Variants in CDH18 observed in about 807,000 individuals in gnomAD.
CDH18 encodes the protein cadherin-18.
In CDH18, 31 loss-of-function variants were observed where a neutral mutation model predicts 67.9. The ratio of observed to expected loss-of-function variants is 0.46; its 90% confidence interval spans 0.34 to 0.62. The LOEUF is 0.62. Ranked by LOEUF, CDH18 falls within the 20% of genes least tolerant of loss-of-function variation. CDH18 has a pLI of 0.01. For synonymous variants in CDH18, 362 were observed against 347.2 expected (o/e 1.04, Z -0.48); for missense variants, 890 against 975.5 (o/e 0.91, Z 1.17).
intron 2 of CDH18, among the ~76,000 whole-genome samples, chr5:20,034,829 G>T (rs765016932): frequency 3.3e-5 from 5 of 151,960 alleles, no homozygotes; most frequent in African/African-American, 4.8e-5. Flanking sequence ...TAGAGATAAA[G>T]ATTAGATATA....
At chr5:19,496,082 G>T (rs980478865) in intron 11 of CDH18, among the ~76,000 whole-genome samples, 11 of 152,152 alleles carry the variant, frequency 7.2e-5, no homozygotes, top group Admixed American at 2.0e-4. Context: ...AAGCTGAAAA[G>T]CCCTGGAAGA....
chr5:19,785,388 C>G (rs528241674), intron 3 of CDH18, among the ~76,000 whole-genome samples: 2 of 151,564 alleles, frequency 1.3e-5, no homozygotes, highest in South Asian at 4.2e-4. Context: ...CGCGGTGGCT[C>G]ATACCTGCAA....
At chr5:20,442,434 T>A (rs1472817997) in intron 1 of CDH18, among the ~76,000 whole-genome samples, 1 of 151,964 alleles carries the variant, frequency 6.6e-6, no homozygotes, top group African/African-American at 2.4e-5. Flanking sequence ...GGATGGAAGA[T>A]GCTGGACATC....
chr5:20,166,051 A>C (rs1479027737), intron 2 of CDH18, among the ~76,000 whole-genome samples: 1 of 152,170 alleles, frequency 6.6e-6, no homozygotes, highest in Non-Finnish European at 1.5e-5. Flanking sequence ...TTAGGCAATT[A>C]AAATAATGCC....
chr5:19,920,470 T>C (rs1217608455), intron 2 of CDH18, among the ~76,000 whole-genome samples: 2 of 151,964 alleles, frequency 1.3e-5, no homozygotes, highest in East Asian at 3.9e-4. Flanking sequence ...CAAAAGGATG[T>C]TTATTAAATG....
intron 4 of CDH18, among the ~76,000 whole-genome samples, chr5:19,723,698 TTTTTTA>T (rs1391706596): frequency 6.6e-6 from 1 of 152,102 alleles, no homozygotes; most frequent in Non-Finnish European, 1.5e-5. Context: ...GGGCATTTTA[TTTTTTA>T]TTTTTATTTT....
chr5:20,221,279 C>T (rs1359469985), intron 2 of CDH18, among the ~76,000 whole-genome samples: 3 of 151,856 alleles, frequency 2.0e-5, no homozygotes, highest in Admixed American at 6.6e-5. Flanking sequence ...ATTATTCAGC[C>T]GTAAAAATGA....
At chr5:20,273,636 A>G (rs1745596267) in intron 1 of CDH18, among the ~76,000 whole-genome samples, 1 of 152,052 alleles carries the variant, frequency 6.6e-6, no homozygotes, top group Non-Finnish European at 1.5e-5. Flanking sequence ...CAAAAAATTC[A>G]AACTAAAAAA....
At chr5:20,152,823 T>C in intron 2 of CDH18, among the ~76,000 whole-genome samples, 1 of 152,116 alleles carries the variant, frequency 6.6e-6, no homozygotes, top group East Asian at 1.9e-4. Context: ...CAAAGGCTAA[T>C]AAATTTTACT....
At chr5:19,848,886 T>C (rs1229890407) in intron 2 of CDH18, among the ~76,000 whole-genome samples, 3 of 149,786 alleles carry the variant, frequency 2.0e-5, no homozygotes, top group Admixed American at 6.7e-5. Flanking sequence ...TATATACATA[T>C]ATGTATATAA....
chr5:19,648,947 T>C (rs1473977931), intron 5 of CDH18, among the ~76,000 whole-genome samples: 1 of 152,108 alleles, frequency 6.6e-6, no homozygotes, highest in East Asian at 1.9e-4. Flanking sequence ...GCTCCATATT[T>C]CCCTTCCTCT....
chr5:19,684,958 A>G (rs1402773153), intron 5 of CDH18, among the ~76,000 whole-genome samples: 3 of 152,000 alleles, frequency 2.0e-5, no homozygotes, highest in Admixed American at 2.0e-4. Context: ...TTTTTTATTC[A>G]TGTTCAAAAG....
chr5:19,608,311 T>C, intron 6 of CDH18, among the ~76,000 whole-genome samples: 1 of 151,626 alleles, frequency 6.6e-6, no homozygotes, highest in Non-Finnish European at 1.5e-5. Context: ...ATGACCCAGA[T>C]ATCATTTTCA....
intron 2 of CDH18, among the ~76,000 whole-genome samples, chr5:20,039,063 G>A (rs1740162606): frequency 6.9e-6 from 1 of 145,250 alleles, no homozygotes; most frequent in East Asian, 2.0e-4. Flanking sequence ...GACAAACAGA[G>A]AGCCAAATAG....
chr5:19,840,575 G>A (rs1406242965), intron 2 of CDH18, among the ~76,000 whole-genome samples: 15 of 151,908 alleles, frequency 9.9e-5, no homozygotes. Context: ...GGTGGTGCAC[G>A]CCTGTAATCC....
intron 2 of CDH18, among the ~76,000 whole-genome samples, chr5:19,880,347 T>C (rs914143589): frequency 1.3e-5 from 2 of 152,072 alleles, no homozygotes; most frequent in Non-Finnish European, 2.9e-5. Context: ...ACCATTTACA[T>C]ATACAGAGGT....
chr5:19,774,020 A>C lies in CDH18; in HGVS notation c.229-26784T>G, dbSNP rs1014526846. Among the ~76,000 whole-genome samples the C allele has an allele frequency of 2.0e-5, 3 of 152,342 alleles. No homozygotes were observed. In the East Asian group the frequency reaches 5.8e-4, roughly 29 times the overall value. Reference sequence around the variant, plus strand: ...TTCTGAGGGACTCTACTATTTCTCTATATAGCTAGATCCAGGGTATTAATC... The same window carrying C: ...TTCTGAGGGACTCTACTATTTCTCTCTATAGCTAGATCCAGGGTATTAATC... On this transcript the variant is annotated intron_variant, in intron 3 of 12. Transcript: ENST00000382275.
chr5:20,514,253 A>AT (rs1419617229), intron 1 of CDH18, among the ~76,000 whole-genome samples: 2 of 151,962 alleles, frequency 1.3e-5, no homozygotes, highest in Non-Finnish European at 2.9e-5. Context: ...TTCTCTAAAT[A>AT]TTTTTTTAAT....
At chr5:19,661,297 T>A (rs193032368) in intron 5 of CDH18, among the ~76,000 whole-genome samples, 1 of 152,090 alleles carries the variant, frequency 6.6e-6, no homozygotes. Context: ...TTTTATTTCT[T>A]AAGGCACTTT....
Sources: allele counts gnomAD v4.1 joint callset (sites outside exome capture counted in the v4.1 genomes callset), GRCh38; gene constraint gnomAD v4.1.1; transcripts MANE v1.5; gene names NCBI Gene and HGNC (gene_info 2026-07-23, HGNC 2026-07-21).